The following GALNT16 variants were observed in gnomAD, a reference collection of about 807,000 sequenced individuals.
The protein encoded by GALNT16 is UDP-GalNAc:polypeptide N-acetylgalactosaminyltransferase-like protein 1.
Under a neutral mutation model 76.1 loss-of-function variants are expected in GALNT16, and 40 were observed. That is an observed-to-expected ratio of 0.53 (90% CI 0.41 to 0.68). The LOEUF (loss-of-function observed/expected upper bound fraction) is 0.68. Among genes scored for constraint, GALNT16 ranks in the 30% least tolerant of loss-of-function variants. The pLI, the probability that GALNT16 is intolerant of heterozygous loss-of-function variation, is 0.00. For synonymous variants in GALNT16, 276 were observed against 285.2 expected (o/e 0.97, Z 0.32); for missense variants, 621 against 731.9 (o/e 0.85, Z 1.75).
At chr14:69,343,705 A>AGGGCAGGAGCT (rs1422960856) in intron 12 of GALNT16, among the ~76,000 whole-genome samples, 1 of 152,206 alleles carries the variant, frequency 6.6e-6, no homozygotes, top group South Asian at 2.1e-4. Flanking sequence ...TTCCAGCCCT[A>AGGGCAGGAGCT]GGGCAGGAGC....
At chr14:69,278,461 A>T (rs527602675) in intron 1 of GALNT16, among the ~76,000 whole-genome samples, 11 of 152,332 alleles carry the variant, frequency 7.2e-5, no homozygotes, top group East Asian at 1.9e-4. Context: ...ATTGATTTTT[A>T]AAAAAAGGAA....
At chr14:69,338,513 T>C (rs762169040) in intron 9 of GALNT16, 138 bp from the exon 10 acceptor site, 3 of 1,171,212 alleles carry the variant, frequency 2.6e-6, no homozygotes, top group Non-Finnish European at 3.6e-6. Flanking sequence ...GTGGGAGCAC[T>C]CCATTTGAGC....
At chr14:69,370,677 C>T in the GALNT16 span, among the ~76,000 whole-genome samples, 4 of 152,250 alleles carry the variant, frequency 2.6e-5, no homozygotes, top group African/African-American at 9.6e-5. Flanking sequence ...ATTTGAAGCA[C>T]ATCTCATATA....
intron 1 of GALNT16, among the ~76,000 whole-genome samples, chr14:69,276,979 G>C (rs1317342838): frequency 6.6e-6 from 1 of 152,066 alleles, no homozygotes; most frequent in East Asian, 1.9e-4. Context: ...CAATCAAAGT[G>C]ATTCTCGATT....
downstream of GALNT16, chr14:69,355,047 A>G (rs1480907761): frequency 6.6e-6 from 1 of 152,230 alleles, no homozygotes; most frequent in Non-Finnish European, 1.5e-5. Flanking sequence ...TCCCATGGAA[A>G]CCAATGGAAA....
At position 69,333,313 on chromosome 14, in the gene GALNT16, A is replaced by T. The variant is rs887807685; in HGVS notation, c.863+144A>T. ...TTCTGGGCCTTCGGACCCTGTATGC[A>T]GGGACAGCGAGGACAGAGGCCACGG... On this transcript the variant is annotated intron_variant, in intron 8 of 14. Transcript: ENST00000448469. The surrounding 1 kb of genome is among the most constrained non-coding windows in gnomAD (Gnocchi z 4.2). 2 of 697,374 alleles carry T rather than the reference A, an allele frequency of 2.9e-6. No homozygotes were observed. The highest frequency in any genetic ancestry group is 3.9e-4 in the Middle Eastern group (1 of 2,566). The allele number at this position is 697,374 out of a possible 1,614,324, so 43.2% of individuals were successfully genotyped here. A position where few individuals can be genotyped will look rare whatever the true frequency, so the allele number is the denominator to read the frequency against.
chr14:69,350,552 C>T (rs1355420799), intron 14 of GALNT16: 1 of 152,276 alleles, frequency 6.6e-6, no homozygotes, highest in African/African-American at 2.4e-5. Flanking sequence ...GCCATGTGGG[C>T]CCAGAGAGGC....
chr14:69,351,974 AT>A, intron 14 of GALNT16, 56 bp from the exon 15 acceptor site: 3 of 1,508,610 alleles, frequency 2.0e-6, no homozygotes, highest in Non-Finnish European at 2.7e-6. Context: ...GTACAACATT[AT>A]TTTTTTAAAT....
At chr14:69,339,766 G>A in intron 11 of GALNT16, 147 bp downstream of exon 11, 2 of 588,118 alleles carry the variant, frequency 3.4e-6, no homozygotes, top group Non-Finnish European at 6.0e-6. Flanking sequence ...TTGGGTCCTG[G>A]GAGGGAATGC....
At chr14:69,376,165 G>A in the GALNT16 span, among the ~76,000 whole-genome samples, 1 of 152,120 alleles carries the variant, frequency 6.6e-6, no homozygotes, top group African/African-American at 2.4e-5. Flanking sequence ...GCCTCCCAAA[G>A]TGCTGGGATT....
chr14:69,310,798 T>G (rs1284912022), intron 1 of GALNT16, among the ~76,000 whole-genome samples: 2 of 152,002 alleles, frequency 1.3e-5, no homozygotes, highest in Non-Finnish European at 2.9e-5. Context: ...ACCTGTAACC[T>G]CAAGACTTTG....
At chr14:69,325,236 C>T in intron 3 of GALNT16, 101 bp from the exon 4 acceptor site, 1 of 784,234 alleles carries the variant, frequency 1.3e-6, no homozygotes, top group South Asian at 1.4e-5. Flanking sequence ...CATGCTGGCC[C>T]TGGAGCTGGG....
At position 69,324,694 on chromosome 14, in the gene GALNT16, G is replaced by A. The variant is rs2045255080; in HGVS notation, c.338G>A (p.Cys113Tyr). Residue 113 changes from cysteine to tyrosine, a missense_variant and splice_region_variant, in exon 3 of 15, where the codon TGC (cysteine) becomes TAC (tyrosine). Physicochemically the swap from Cys to Tyr is radical, Grantham distance 194 (BLOSUM62 -2). Transcript: ENST00000448469. Reference protein sequence around the residue: ...RPIRDTRHYSCPSVSYSSDLP... With the variant: ...RPIRDTRHYSYPSVSYSSDLP... Reference sequence around the variant, plus strand: ...TGACCTCTGTGCTCCCTTCTCAGCTGCCCATCTGTGTCCTACTCCTCGGAC... The same window carrying A: ...TGACCTCTGTGCTCCCTTCTCAGCTACCCATCTGTGTCCTACTCCTCGGAC... 2 of 1,600,530 alleles carry A rather than the reference G, an allele frequency of 1.2e-6. No homozygotes were observed.
chr14:69,380,665 A>G, the GALNT16 span: 1 of 1,377,004 alleles, frequency 7.3e-7, no homozygotes, highest in Non-Finnish European at 1.0e-6. Flanking sequence ...GGAATAAGCA[A>G]AGTCACAGTG....
chr14:69,275,979 G>A (rs1283388772), intron 1 of GALNT16, among the ~76,000 whole-genome samples: 1 of 152,218 alleles, frequency 6.6e-6, no homozygotes, highest in Non-Finnish European at 1.5e-5. Context: ...CATGGCAGAG[G>A]ATGAAAGGCA....
intron 1 of GALNT16, among the ~76,000 whole-genome samples, chr14:69,285,136 G>A (rs1594821241): frequency 1.3e-5 from 2 of 151,416 alleles, no homozygotes; most frequent in South Asian, 4.2e-4. Context: ...CGCCTCCCGG[G>A]TTCACACCAT....
the GALNT16 span, among the ~76,000 whole-genome samples, chr14:69,370,536 C>T: frequency 8.6e-5 from 13 of 152,030 alleles, no homozygotes; most frequent in South Asian, 8.3e-4. Flanking sequence ...ACTTTGTGAT[C>T]GAATCTTTTA....
At chr14:69,336,443 T>C (rs1397171912) in intron 9 of GALNT16, among the ~76,000 whole-genome samples, 1 of 152,228 alleles carries the variant, frequency 6.6e-6, no homozygotes. Flanking sequence ...CCAGCTGTGC[T>C]GTTGCCTCTA....
At chr14:69,276,186 G>C (rs956436904) in intron 1 of GALNT16, among the ~76,000 whole-genome samples, 1 of 152,100 alleles carries the variant, frequency 6.6e-6, no homozygotes, top group Non-Finnish European at 1.5e-5. Flanking sequence ...TGAGATTTGG[G>C]TGGGGACACA....
Sources: gnomAD v4.1 joint callset for allele counts (sites outside exome capture counted in the v4.1 genomes callset) on GRCh38, gnomAD v4.1.1 for gene constraint, Gnocchi (gnomAD v3.1) non-coding constraint, MANE v1.5 for transcripts, NCBI Gene and HGNC (gene_info 2026-07-23, HGNC 2026-07-21) for gene names.